The following MTCL1 variants were observed in gnomAD, a reference collection of about 807,000 sequenced individuals.
MTCL1 encodes microtubule crosslinking factor 1.
MTCL1 carries 79 observed loss-of-function variants against 141.4 expected under a neutral mutation model. The observed-to-expected ratio is 0.56, with a 90% confidence interval of 0.47 to 0.67. The LOEUF (loss-of-function observed/expected upper bound fraction) is 0.67. Ranked by LOEUF, MTCL1 falls within the 30% of genes least tolerant of loss-of-function variation. MTCL1 has a pLI of 0.00. For synonymous variants in MTCL1, 914 were observed against 875.8 expected, an observed-to-expected ratio of 1.04 and a Z score of -0.77; for missense variants, 2,177 against 2,113.9, an observed-to-expected ratio of 1.03 and a Z score of -0.59.
At chr18:8,761,424 C>A (rs891206728) in intron 4 of MTCL1, among the ~76,000 whole-genome samples, 1 of 152,210 alleles carries the variant, frequency 6.6e-6, no homozygotes, top group African/African-American at 2.4e-5. Flanking sequence ...GGGCAACCAT[C>A]ACCATTATCT....
chr18:8,745,339 G>A (rs556275089), intron 4 of MTCL1, among the ~76,000 whole-genome samples: 9 of 152,220 alleles, frequency 5.9e-5, no homozygotes, highest in African/African-American at 2.2e-4. Flanking sequence ...CCCCTCGGAT[G>A]TATATTGTTT....
chr18:8,824,957 T>C (rs201573119), exon 15 of MTCL1: 1 of 1,613,464 alleles, frequency 6.2e-7, no homozygotes, highest in Non-Finnish European at 8.5e-7. Context: ...GCACAGAGCC[T>C]TTCCCCGACT....
At chr18:8,774,194 T>A (rs2096495877) in intron 4 of MTCL1, among the ~76,000 whole-genome samples, 1 of 152,198 alleles carries the variant, frequency 6.6e-6, no homozygotes, top group African/African-American at 2.4e-5. Context: ...CTTGATGAGT[T>A]TTTGAATTAC....
intron 12 of MTCL1, 108 bp from the exon 12 acceptor site, chr18:8,818,855 T>C (rs1219006636): frequency 2.7e-6 from 3 of 1,112,652 alleles, no homozygotes; most frequent in Admixed American, 4.7e-5. Flanking sequence ...TCACAATATT[T>C]TTCAAACTGA....
intron 4 of MTCL1, among the ~76,000 whole-genome samples, chr18:8,721,970 G>A (rs991262691): frequency 3.9e-5 from 6 of 152,086 alleles, no homozygotes; most frequent in Non-Finnish European, 8.8e-5. Context: ...GAGATGAGGT[G>A]GCCTCCCAGA....
At position 8,828,805 on chromosome 18, in the gene MTCL1, C is replaced by T. The variant is rs1253907005; in HGVS notation, c.4723-103C>T. On this transcript the variant is annotated intron_variant, in intron 15 of 16. Transcript: ENST00000359865. The surrounding 1 kb of genome is among the most constrained non-coding windows in gnomAD (Gnocchi z 5.2). ...ACCCCTGAGCGAGAGGGATGGTCCT[C>T]TACCTCCGGGCTTGCTGACTTTAAA... The T allele has an allele frequency of 6.4e-7, 1 of 1,571,850 alleles. No individual in the cohort carries two copies.
At chr18:8,787,126 T>G (rs1475553419) in intron 7 of MTCL1, 1 of 152,336 alleles carries the variant, frequency 6.6e-6, no homozygotes, top group African/African-American at 2.4e-5. Flanking sequence ...CAGTGATAAG[T>G]TGTCACCATC....
intron 10 of MTCL1, among the ~76,000 whole-genome samples, chr18:8,804,872 T>G (rs2076239851): frequency 6.6e-6 from 1 of 151,666 alleles, no homozygotes; most frequent in Admixed American, 6.6e-5. Context: ...ACGCCTGTAG[T>G]CCCAGCTACT....
rs2077083414 is a variant in MTCL1 at position 8,828,136 on chromosome 18, T to G, written c.4723-772T>G. ...GGCCATTGCAACCCCTTCCCATTGC[T>G]CCATGAATTATGCAGTAGTTCTCGG... On this transcript the variant is annotated intron_variant, in intron 15 of 16. Coordinates refer to ENST00000359865, the Ensembl canonical transcript of MTCL1. This position sits in a 1 kb window ranked among gnomAD's most constrained non-coding sequence, Gnocchi z 5.2. 6.6e-6 allele frequency among the ~76,000 whole-genome samples: 1 copy of G among 152,154 alleles called. No individual in the cohort carries two copies. Among genetic ancestry groups the G allele is most frequent in the African/African-American group, 2.4e-5 (1 of 41,454 alleles).
At chr18:8,758,621 G>C (rs2096414649) in intron 4 of MTCL1, among the ~76,000 whole-genome samples, 1 of 152,134 alleles carries the variant, frequency 6.6e-6, no homozygotes, top group Admixed American at 6.5e-5. Flanking sequence ...ACATAGCCTG[G>C]TCTTGCATAA....
chr18:8,719,991 A>G (rs987320545), intron 3 of MTCL1: 6 of 194,326 alleles, frequency 3.1e-5, no homozygotes, highest in Non-Finnish European at 6.3e-5. Flanking sequence ...TCTGTGAGGG[A>G]GGAGGGTTAT....
chr18:8,718,367 A>AT, intron 2 of MTCL1, 57 bp from the exon 2 acceptor site: 1 of 1,521,044 alleles, frequency 6.6e-7, no homozygotes, highest in East Asian at 2.3e-5. Context: ...AAGGAGAGAC[A>AT]TGCCATCCTT....
chr18:8,786,010 AGCCGCGCGGGAGCTGCACC>A lies in MTCL1; in HGVS notation c.1814_1832del (p.Arg605GlnfsTer33). Reference sequence around the variant, plus strand: ...ACGAGCGGGAGAGCCTGCGCCTCCGAGCCGCGCGGGAGCTGCACCGCCGCGCAGACGGGGACACCGGGAG... The same window carrying A: ...ACGAGCGGGAGAGCCTGCGCCTCCGAGCCGCGCAGACGGGGACACCGGGAG... On this transcript the variant is annotated frameshift_variant, in exon 7 of 17. Transcript: ENST00000359865. LOFTEE classifies it high-confidence loss of function. 1 of 1,583,348 alleles carries A rather than the reference AGCCGCGCGGGAGCTGCACC, an allele frequency of 6.3e-7. No homozygotes were observed. The highest frequency in any genetic ancestry group is 8.7e-7 in the Non-Finnish European group (1 of 1,155,984).
rs185940442 is a variant in MTCL1, at chr18:8,762,265, T to C, written c.358-15568T>C. ...GCCGAATGGCATCCTCTTGCTGTCATGAGGGCAGGCACCAGGCATGTTGCT... is the reference window on the plus strand; with the variant it reads ...GCCGAATGGCATCCTCTTGCTGTCACGAGGGCAGGCACCAGGCATGTTGCT... On this transcript the variant is annotated intron_variant, in intron 4 of 16. Coordinates refer to ENST00000359865, the Ensembl canonical transcript of MTCL1. Among the ~76,000 whole-genome samples, 256 of 152,362 alleles carry C rather than the reference T, an allele frequency of 1.7e-3. 1 individual carries two copies. The highest frequency in any genetic ancestry group is 2.5e-3 in the Non-Finnish European group (167 of 68,038).
upstream of MTCL1, among the ~76,000 whole-genome samples, chr18:8,714,897 C>T (rs966967495): frequency 2.0e-4 from 31 of 152,006 alleles, no homozygotes; most frequent in African/African-American, 5.3e-4. Context: ...CCCGGGTTCA[C>T]GCCATTCTTC....
intron 4 of MTCL1, among the ~76,000 whole-genome samples, chr18:8,726,286 CTTTTTTTT>C (rs77665680): frequency 2.9e-5 from 3 of 102,260 alleles, no homozygotes; most frequent in South Asian, 3.4e-4. Context: ...TTCTTTTTTT[CTTTTTTTT>C]TTTTTTTTTT....
rs538316788 is a variant in MTCL1, at chr18:8,825,570, G to A, written c.4060G>A (p.Gly1354Ser). ...GTGTCTCACTCCAAAGGCTGGGGGC[G>A]GTGCTACACCCGTGTCGTCTCCTTC... is the stretch of plus-strand genomic sequence containing the variant. Residue 1354 changes from glycine (G) to serine (S), a missense_variant, in exon 15 of 17, where the codon GGT (glycine) becomes AGT (serine). Coordinates refer to ENST00000359865, the Ensembl canonical transcript of MTCL1. The A allele has an allele frequency of 5.3e-5, 85 of 1,613,070 alleles. No individual in the cohort carries two copies. The highest frequency in any genetic ancestry group is 3.3e-4 in the Middle Eastern group (2 of 6,082).
intron 5 of MTCL1, among the ~76,000 whole-genome samples, chr18:8,783,227 GC>G (rs1240368451): frequency 2.0e-5 from 3 of 151,770 alleles, no homozygotes; most frequent in African/African-American, 7.2e-5. Context: ...TCCCTTCTTT[GC>G]CCATAACTTG....
rs779370908 is a variant in MTCL1 at position 8,828,284 on chromosome 18, A to G, written c.4723-624A>G. ...CCAGGAGTGATGCAGGTGACAAGAA[A>G]TCTCCCTTTCTCACTGCACTGTCAT... On this transcript the variant is annotated intron_variant, in intron 15 of 16. Coordinates refer to ENST00000359865, the Ensembl canonical transcript of MTCL1. The surrounding 1 kb of genome is among the most constrained non-coding windows in gnomAD (Gnocchi z 5.2). Among the ~76,000 whole-genome samples the G allele has an allele frequency of 2.0e-5, 3 of 152,030 alleles. No individual in the cohort carries two copies. Among genetic ancestry groups the G allele is most frequent in the Non-Finnish European group, 4.4e-5 (3 of 67,992 alleles).
Sources: gnomAD v4.1 joint callset for allele counts (sites outside exome capture counted in the v4.1 genomes callset) on GRCh38, gnomAD v4.1.1 for gene constraint, Gnocchi (gnomAD v3.1) non-coding constraint, MANE v1.5 for transcripts, NCBI Gene and HGNC (gene_info 2026-07-23, HGNC 2026-07-21) for gene names.